Variants in STAU2 observed in about 807,000 individuals in gnomAD.
STAU2 encodes double-stranded RNA-binding protein Staufen homolog 2.
Under a neutral mutation model 65.9 loss-of-function variants are expected in STAU2, and 20 were observed. That is an observed-to-expected ratio of 0.30 (90% confidence interval 0.21 to 0.44). The LOEUF is 0.44. STAU2 is among the 20% of genes least tolerant of loss of function. The pLI is 1.00. For synonymous variants in STAU2, 232 were observed against 233.9 expected (o/e 0.99, Z 0.07); for missense variants, 558 against 683.9 (o/e 0.82, Z 2.05).
At chr8:73,432,312 T>C (rs1047382709) in intron 13 of STAU2, among the ~76,000 whole-genome samples, 5 of 152,190 alleles carry the variant, frequency 3.3e-5, no homozygotes, top group Non-Finnish European at 7.3e-5. Context: ...CACAAGGAAA[T>C]GAGAGGTTTT....
intron 7 of STAU2, 52 bp downstream of exon 7, chr8:73,617,240 G>T: frequency 6.3e-7 from 1 of 1,586,234 alleles, no homozygotes; most frequent in South Asian, 1.2e-5. Context: ...GCTCTGATTT[G>T]TTTCACTGGG....
intron 13 of STAU2, among the ~76,000 whole-genome samples, chr8:73,476,868 T>G (rs2128908390): frequency 6.6e-6 from 1 of 152,278 alleles, no homozygotes; most frequent in South Asian, 2.1e-4. Context: ...GCAGCCAGAC[T>G]AAGAAGTGGC....
intron 12 of STAU2, among the ~76,000 whole-genome samples, chr8:73,569,036 G>T (rs972012963): frequency 2.6e-5 from 4 of 152,098 alleles, no homozygotes; most frequent in Admixed American, 6.5e-5. Context: ...AAGCGCAAGG[G>T]GTCGGGGAAT....
chr8:73,729,169 T>A (rs562162843), intron 3 of STAU2, among the ~76,000 whole-genome samples: 1 of 152,352 alleles, frequency 6.6e-6, no homozygotes, highest in East Asian at 1.9e-4. Flanking sequence ...GCCTACTGTA[T>A]CAATTGAAAC....
intron 6 of STAU2, among the ~76,000 whole-genome samples, chr8:73,655,137 C>T (rs1447170487): frequency 6.6e-6 from 1 of 152,070 alleles, no homozygotes; most frequent in African/African-American, 2.4e-5. Flanking sequence ...ATGCTTGTAC[C>T]CTACAAAAAC....
intron 6 of STAU2, among the ~76,000 whole-genome samples, chr8:73,639,400 G>A (rs1293512439): frequency 6.6e-6 from 1 of 152,062 alleles, no homozygotes; most frequent in Non-Finnish European, 1.5e-5. Context: ...TGCTAACAAG[G>A]AGAATTTATT....
Position 73,715,467 on chromosome 8 carries a change from G to A in STAU2, c.-17-6305C>T, listed in dbSNP as rs77650444. Among the ~76,000 whole-genome samples the A allele has an allele frequency of 6.2e-3, 797 of 128,540 alleles. 12 individuals carry two copies. The highest frequency in any genetic ancestry group is 0.012 in the East Asian group (53 of 4,524). The allele number at this position is 128,540 out of a possible 152,430, so 84.3% of individuals were successfully genotyped here. ...TGAGACTGTCAAAAAAAAAAAAAAA[G>A]AAAGAAAGAAAGAAAAATTCAAATT... is the stretch of plus-strand genomic sequence containing the variant. On this transcript the variant is annotated intron_variant, in intron 3 of 14. Coordinates refer to ENST00000524300, the MANE Select transcript of STAU2 (RefSeq NM_001164380.2).
intron 13 of STAU2, among the ~76,000 whole-genome samples, chr8:73,463,743 A>C (rs1392599245): frequency 6.6e-6 from 1 of 152,354 alleles, no homozygotes; most frequent in East Asian, 1.9e-4. Flanking sequence ...ATCTGGAATG[A>C]ATAAATTTCA....
At chr8:73,499,719 T>C (rs1206717998) in intron 13 of STAU2, among the ~76,000 whole-genome samples, 5 of 151,614 alleles carry the variant, frequency 3.3e-5, no homozygotes, top group Non-Finnish European at 1.5e-5. Flanking sequence ...AAGGACAGAA[T>C]GGTGGAGGTG....
At chr8:73,478,057 T>C (rs71527213) in intron 13 of STAU2, among the ~76,000 whole-genome samples, 2 of 150,032 alleles carry the variant, frequency 1.3e-5, no homozygotes, top group African/African-American at 4.9e-5. Flanking sequence ...TTTTTTTTTG[T>C]AGTAAGAAAA....
chr8:73,492,084 A>C (rs1821180239), intron 13 of STAU2, among the ~76,000 whole-genome samples: 1 of 151,756 alleles, frequency 6.6e-6, no homozygotes, highest in Non-Finnish European at 1.5e-5. Context: ...GGCTGGGGTG[A>C]GAAAAGGCCC....
At chr8:73,446,871 C>G (rs1487382120) in intron 13 of STAU2, among the ~76,000 whole-genome samples, 1 of 152,160 alleles carries the variant, frequency 6.6e-6, no homozygotes, top group Non-Finnish European at 1.5e-5. Flanking sequence ...CAATCAACTC[C>G]AATCTCATGT....
At chr8:73,555,830 G>A (rs1274442376) in intron 12 of STAU2, among the ~76,000 whole-genome samples, 1 of 152,118 alleles carries the variant, frequency 6.6e-6, no homozygotes, top group Admixed American at 6.5e-5. Flanking sequence ...GATATCAAGG[G>A]ATGACTGTAT....
intron 5 of STAU2, among the ~76,000 whole-genome samples, chr8:73,681,159 GTCA>G: frequency 1.3e-5 from 2 of 152,070 alleles, no homozygotes; most frequent in African/African-American, 4.8e-5. Flanking sequence ...TAGGCACACA[GTCA>G]ATCAGGTTAT....
chr8:73,702,214 A>C (rs1820160921), intron 4 of STAU2, among the ~76,000 whole-genome samples: 1 of 152,208 alleles, frequency 6.6e-6, no homozygotes, highest in Admixed American at 6.5e-5. Context: ...TTAATTTTAC[A>C]CTTTAAAATA....
chr8:73,696,755 G>A (rs1819714949), intron 4 of STAU2, among the ~76,000 whole-genome samples: 1 of 152,060 alleles, frequency 6.6e-6, no homozygotes, highest in Non-Finnish European at 1.5e-5. Context: ...AGCCTCAAAG[G>A]GGCAAATGTA....
intron 6 of STAU2, among the ~76,000 whole-genome samples, chr8:73,651,989 G>A (rs1017726913): frequency 1.3e-5 from 2 of 152,202 alleles, no homozygotes; most frequent in African/African-American, 4.8e-5. Context: ...GGTTGGTTTA[G>A]GAAGTAAATG....
chr8:73,542,131 T>A (rs1449069005), intron 13 of STAU2, among the ~76,000 whole-genome samples: 6 of 152,226 alleles, frequency 3.9e-5, no homozygotes, highest in East Asian at 3.9e-4. Context: ...TTAAAAACAC[T>A]CCTACATGTA....
chr8:73,708,887 CT>C, intron 4 of STAU2, 144 bp downstream of exon 4: 1 of 673,040 alleles, frequency 1.5e-6, no homozygotes, highest in Non-Finnish European at 2.2e-6. Context: ...TAGTTACATA[CT>C]TTGAAATATT....
Sources: gnomAD v4.1 joint callset for allele counts (sites outside exome capture counted in the v4.1 genomes callset) on GRCh38, gnomAD v4.1.1 for gene constraint, MANE v1.5 for transcripts, NCBI Gene and HGNC (gene_info 2026-07-23, HGNC 2026-07-21) for gene names.